CATSPERT: variants seen among roughly 807,000 people sequenced by gnomAD.
CATSPERT encodes catsper channel auxiliary subunit tau.
the CATSPERT span, among the ~76,000 whole-genome samples, chr2:201,507,695 A>C: frequency 6.6e-6 from 1 of 152,226 alleles, no homozygotes; most frequent in African/African-American, 2.4e-5. Context: ...GTCCATTTGC[A>C]CACAACTATA....
At chr2:201,489,393 T>C in the CATSPERT span, among the ~76,000 whole-genome samples, 1 of 152,094 alleles carries the variant, frequency 6.6e-6, no homozygotes, top group African/African-American at 2.4e-5. Context: ...TTTTTCCGAG[T>C]GTGTAGACAC....
At chr2:201,581,658 G>T in the CATSPERT span, among the ~76,000 whole-genome samples, 1 of 142,838 alleles carries the variant, frequency 7.0e-6, no homozygotes, top group Admixed American at 7.1e-5. Context: ...GCCCAGGCTG[G>T]AGTGCAATGG....
the CATSPERT span, chr2:201,537,475 G>T: frequency 6.9e-6 from 11 of 1,585,234 alleles, no homozygotes; most frequent in Non-Finnish European, 9.5e-6. Flanking sequence ...TTACAAGAGG[G>T]ATATCTGCTT....
chr2:201,602,565 C>T, the CATSPERT span, among the ~76,000 whole-genome samples: 3 of 152,138 alleles, frequency 2.0e-5, no homozygotes, highest in Non-Finnish European at 4.4e-5. Flanking sequence ...AGGAAGCACA[C>T]ATTACTTACA....
At chr2:201,526,657 A>C in the CATSPERT span, among the ~76,000 whole-genome samples, 1 of 152,176 alleles carries the variant, frequency 6.6e-6, no homozygotes, top group Non-Finnish European at 1.5e-5. Context: ...CGTGAACAGA[A>C]CTAAAAACAA....
the CATSPERT span, among the ~76,000 whole-genome samples, chr2:201,512,109 A>T: frequency 1.5e-3 from 231 of 152,228 alleles, 1 homozygote; most frequent in African/African-American, 5.3e-3. Flanking sequence ...ATCTTTTTCA[A>T]TTTAATTTTG....
chr2:201,493,830 AT>A, the CATSPERT span: 15 of 1,535,260 alleles, frequency 9.8e-6, no homozygotes, highest in African/African-American at 2.7e-5. Context: ...TGGTACTACT[AT>A]TTTTTTTAAT....
chr2:201,601,286 G>C, the CATSPERT span, among the ~76,000 whole-genome samples: 48 of 140,560 alleles, frequency 3.4e-4, no homozygotes, highest in Admixed American at 1.7e-3. Context: ...GTGTGTGTGT[G>C]TGTGTGTGTG....
At chr2:201,502,256 T>C in the CATSPERT span, among the ~76,000 whole-genome samples, 2 of 152,192 alleles carry the variant, frequency 1.3e-5, no homozygotes, top group African/African-American at 2.4e-5. Flanking sequence ...TGTCACTCCA[T>C]AGTCTTCTGC....
chr2:201,544,839 AT>A, the CATSPERT span, among the ~76,000 whole-genome samples: 51 of 140,784 alleles, frequency 3.6e-4, 2 homozygotes, highest in African/African-American at 7.2e-4. Context: ...AAAAAAAAAA[AT>A]ACAAAAATTA....
chr2:201,596,762 A>T, the CATSPERT span, among the ~76,000 whole-genome samples: 2 of 152,134 alleles, frequency 1.3e-5, no homozygotes, highest in African/African-American at 2.4e-5. Flanking sequence ...GAATGCTTTT[A>T]AGTCCTTCAA....
At chr2:201,519,715 A>G in the CATSPERT span, among the ~76,000 whole-genome samples, 4 of 152,166 alleles carry the variant, frequency 2.6e-5, no homozygotes, top group Non-Finnish European at 5.9e-5. Context: ...TGAAATAAAA[A>G]ATACAATCAA....
At chr2:201,493,742 G>A in the CATSPERT span, 1 of 1,537,132 alleles carries the variant, frequency 6.5e-7, no homozygotes, top group Non-Finnish European at 8.7e-7. Flanking sequence ...GTGAATATTT[G>A]CCTCATAATG....
the CATSPERT span, among the ~76,000 whole-genome samples, chr2:201,497,682 T>G: frequency 6.6e-6 from 1 of 152,172 alleles, no homozygotes; most frequent in African/African-American, 2.4e-5. Flanking sequence ...ATTGATTAGA[T>G]GAACATATAA....
chr2:201,499,177 A>T, the CATSPERT span, among the ~76,000 whole-genome samples: 1 of 152,232 alleles, frequency 6.6e-6, no homozygotes, highest in Non-Finnish European at 1.5e-5. Context: ...GATACATGTA[A>T]GTGAAGAATC....
the CATSPERT span, among the ~76,000 whole-genome samples, chr2:201,506,099 C>G: frequency 1.3e-5 from 2 of 152,144 alleles, no homozygotes; most frequent in African/African-American, 4.8e-5. Context: ...AACCCCGTCT[C>G]TACTAAAAAT....
the CATSPERT span, chr2:201,496,061 A>T: frequency 4.8e-6 from 4 of 840,322 alleles, no homozygotes; most frequent in African/African-American, 3.5e-5. Context: ...GAGATATAAA[A>T]TTTTTAAACC....
At chr2:201,599,990 C>A in the CATSPERT span, among the ~76,000 whole-genome samples, 1 of 152,104 alleles carries the variant, frequency 6.6e-6, no homozygotes, top group Non-Finnish European at 1.5e-5. Context: ...ACAACAACAA[C>A]AAAAACCTAT....
the CATSPERT span, among the ~76,000 whole-genome samples, chr2:201,531,491 A>G: frequency 6.6e-6 from 1 of 152,194 alleles, no homozygotes; most frequent in Non-Finnish European, 1.5e-5. Context: ...ATAAATGACT[A>G]AAGAAACATA....
Sources: gnomAD v4.1 joint callset for allele counts (sites outside exome capture counted in the v4.1 genomes callset) on GRCh38, gnomAD v4.1.1 for gene constraint, MANE v1.5 for transcripts, NCBI Gene and HGNC (gene_info 2026-07-23, HGNC 2026-07-21) for gene names.